The following CPNE8 variants were observed in gnomAD, a reference collection of about 807,000 sequenced individuals.
CPNE8 encodes the protein copine-8.
CPNE8 carries 45 observed loss-of-function variants against 81.5 expected under a neutral mutation model. That is an observed-to-expected ratio of 0.55 (90% CI 0.44 to 0.71). CPNE8 has a LOEUF of 0.71. Among genes scored for constraint, CPNE8 ranks in the 30% least tolerant of loss-of-function variants. CPNE8 has a pLI of 0.00. For missense variants in CPNE8, 594 were observed against 672.1 expected (o/e 0.88, Z 1.28); for synonymous variants, 252 against 226.3 (o/e 1.11, Z -1.02).
At chr12:38,806,157 T>A (rs10444548) in intron 6 of CPNE8, among the ~76,000 whole-genome samples, 1 of 149,798 alleles carries the variant, frequency 6.7e-6, no homozygotes, top group Admixed American at 6.7e-5. Context: ...GATTCACAGC[T>A]GAATTCTACC....
chr12:38,738,288 T>C (rs1191170843), intron 10 of CPNE8, among the ~76,000 whole-genome samples: 1 of 152,148 alleles, frequency 6.6e-6, no homozygotes, highest in Non-Finnish European at 1.5e-5. Flanking sequence ...ATGTCAGGAT[T>C]TTAGATTTAA....
chr12:38,902,364 GAA>G lies in CPNE8; in HGVS notation c.98+3071_98+3072del, dbSNP rs1280110826. On this transcript the variant is annotated intron_variant, in intron 1 of 19. Transcript: ENST00000331366. ...AGAAAGAAAGAAAGAAAGAAAGAAA[GAA>G]AGAAAGAAAGAAAGAAAAGAAAGAA... 3.7e-3 allele frequency among the ~76,000 whole-genome samples: 252 copies of G among 67,526 alleles called. 14 individuals carry two copies. Among genetic ancestry groups the G allele is most frequent in the African/African-American group, 0.016 (198 of 12,728 alleles). The allele number at this position is 67,526 out of a possible 152,430, so 44.3% of individuals were successfully genotyped here. A position where few individuals can be genotyped will look rare whatever the true frequency, so the allele number is the denominator to read the frequency against.
At chr12:38,673,713 G>A (rs1939229389) in intron 18 of CPNE8, among the ~76,000 whole-genome samples, 1 of 152,050 alleles carries the variant, frequency 6.6e-6, no homozygotes, top group African/African-American at 2.4e-5. Context: ...TAACTTCTGG[G>A]AAGGCAACTT....
intron 5 of CPNE8, among the ~76,000 whole-genome samples, chr12:38,838,090 C>A (rs988192014): frequency 6.6e-6 from 1 of 152,142 alleles, no homozygotes; most frequent in Non-Finnish European, 1.5e-5. Flanking sequence ...TGATAGGAAA[C>A]ACATGTTCCC....
intron 5 of CPNE8, among the ~76,000 whole-genome samples, chr12:38,838,712 A>G (rs1943423145): frequency 1.3e-5 from 2 of 152,158 alleles, no homozygotes; most frequent in African/African-American, 4.8e-5. Context: ...TTCAACCTGT[A>G]AAGAGGTAAA....
At chr12:38,862,229 C>T (rs1367455537) in intron 3 of CPNE8, among the ~76,000 whole-genome samples, 1 of 151,616 alleles carries the variant, frequency 6.6e-6, no homozygotes, top group East Asian at 1.9e-4. Context: ...AACTGTAGGT[C>T]AAATTAGCTT....
intron 10 of CPNE8, among the ~76,000 whole-genome samples, chr12:38,741,975 T>C (rs1459685829): frequency 6.6e-5 from 10 of 152,172 alleles, no homozygotes; most frequent in Admixed American, 5.9e-4. Flanking sequence ...CACAATGAGA[T>C]ACCATCTCAC....
chr12:38,825,394 T>C (rs533071220), intron 6 of CPNE8, among the ~76,000 whole-genome samples: 1 of 152,154 alleles, frequency 6.6e-6, no homozygotes, highest in South Asian at 2.1e-4. Flanking sequence ...AAAAGTGAAG[T>C]ACATGGAAGA....
At chr12:38,721,039 T>A (rs1940551265) in intron 13 of CPNE8, 2 of 152,678 alleles carry the variant, frequency 1.3e-5, no homozygotes, top group African/African-American at 4.8e-5. Flanking sequence ...CTGCCTGGCT[T>A]CTCCCTGCTG....
In CPNE8 at chr12:38,901,703, C is replaced by T. The variant is rs149075345; in HGVS notation, c.98+3734G>A. On this transcript the variant is annotated intron_variant, in intron 1 of 19. Coordinates refer to ENST00000331366, the MANE Select transcript of CPNE8 (RefSeq NM_153634.3). ...TACATCTAGAAAAGGGTACCTCTCA[C>T]CCCCTTAACACAAATTTAAGTGGCT... Among the ~76,000 whole-genome samples the T allele has an allele frequency of 2.0e-5, 3 of 152,120 alleles. No homozygotes were observed. In the East Asian group the frequency reaches 5.8e-4, roughly 29 times the overall value.
At chr12:38,733,518 A>T (rs934474492) in intron 10 of CPNE8, among the ~76,000 whole-genome samples, 4 of 151,988 alleles carry the variant, frequency 2.6e-5, no homozygotes, top group African/African-American at 9.6e-5. Context: ...TTTCCTTGTG[A>T]TTCAATAATA....
chr12:38,704,594 T>G (rs1323841168), intron 13 of CPNE8, among the ~76,000 whole-genome samples: 1 of 151,898 alleles, frequency 6.6e-6, no homozygotes, highest in Non-Finnish European at 1.5e-5. Context: ...TCTGAACACT[T>G]CCATTAGCCT....
At chr12:38,685,781 T>C in intron 15 of CPNE8, 164 bp from the exon 16 acceptor site, 1 of 555,612 alleles carries the variant, frequency 1.8e-6, no homozygotes, top group African/African-American at 1.9e-5. Flanking sequence ...ATTAAGTAAG[T>C]GATCAACAAT....
intron 3 of CPNE8, 95 bp from the exon 4 acceptor site, chr12:38,848,757 G>A: frequency 1.5e-6 from 2 of 1,368,398 alleles, no homozygotes; most frequent in South Asian, 1.6e-5. Flanking sequence ...TAAAAAACAA[G>A]CAATAAATAT....
chr12:38,709,530 T>C (rs1940195046), intron 13 of CPNE8, among the ~76,000 whole-genome samples: 1 of 152,178 alleles, frequency 6.6e-6, no homozygotes, highest in African/African-American at 2.4e-5. Flanking sequence ...AGCTCACTTG[T>C]AAATAATTAT....
At chr12:38,779,844 T>C (rs1262589411) in intron 6 of CPNE8, among the ~76,000 whole-genome samples, 2 of 152,072 alleles carry the variant, frequency 1.3e-5, no homozygotes, top group East Asian at 1.9e-4. Flanking sequence ...ATGAATAGTA[T>C]ACAAAATATA....
intron 6 of CPNE8, among the ~76,000 whole-genome samples, chr12:38,793,966 G>C (rs1191938713): frequency 6.6e-6 from 1 of 152,012 alleles, no homozygotes; most frequent in African/African-American, 2.4e-5. Context: ...TTCTTAATAA[G>C]GAAAGAATAG....
chr12:38,862,232 A>G (rs1470849717), intron 3 of CPNE8, among the ~76,000 whole-genome samples: 1 of 151,768 alleles, frequency 6.6e-6, no homozygotes, highest in East Asian at 1.9e-4. Flanking sequence ...TGTAGGTCAA[A>G]TTAGCTTGTT....
intron 13 of CPNE8, 138 bp downstream of exon 13, chr12:38,723,634 T>C: frequency 1.5e-6 from 1 of 673,560 alleles, no homozygotes; most frequent in Non-Finnish European, 2.7e-6. Context: ...TCTTTATATC[T>C]GAAACAGAAG....
Sources: allele counts gnomAD v4.1 joint callset (sites outside exome capture counted in the v4.1 genomes callset), GRCh38; gene constraint gnomAD v4.1.1; transcripts MANE v1.5; gene names NCBI Gene and HGNC (gene_info 2026-07-23, HGNC 2026-07-21).